The following RETREG1 variants were observed in gnomAD, a reference collection of about 807,000 sequenced individuals.
RETREG1 encodes the protein family with sequence similarity 134 member B.
Under a neutral mutation model 54.8 loss-of-function variants are expected in RETREG1, and 44 were observed. That is an observed-to-expected ratio of 0.80 (90% CI 0.63 to 1.03). The LOEUF is 1.03. Among genes scored for constraint, RETREG1 ranks in the 50% least tolerant of loss-of-function variants. The pLI is 0.00. For synonymous variants in RETREG1, 217 were observed against 238.5 expected (o/e 0.91, Z 0.83); for missense variants, 554 against 605.1 (o/e 0.92, Z 0.89).
chr5:16,598,024 C>CGTGCCCTA (rs1182876252), intron 1 of RETREG1, among the ~76,000 whole-genome samples: 9 of 152,046 alleles, frequency 5.9e-5, no homozygotes, highest in Admixed American at 3.3e-4. Flanking sequence ...GGCTCTTCAC[C>CGTGCCCTA]GTGCCCTACC....
At chr5:16,560,179 C>G (rs1176257306) in intron 3 of RETREG1, among the ~76,000 whole-genome samples, 1 of 152,222 alleles carries the variant, frequency 6.6e-6, no homozygotes, top group Non-Finnish European at 1.5e-5. Flanking sequence ...TTTATGAATA[C>G]TCTTTAAACA....
chr5:16,568,696 CAG>C (rs1742089548), intron 2 of RETREG1, among the ~76,000 whole-genome samples: 2 of 151,896 alleles, frequency 1.3e-5, no homozygotes, highest in Non-Finnish European at 2.9e-5. Flanking sequence ...GAAGGGGGAA[CAG>C]GGGAAAGGGG....
At chr5:16,557,727 C>A (rs868389714) in intron 3 of RETREG1, among the ~76,000 whole-genome samples, 2 of 152,282 alleles carry the variant, frequency 1.3e-5, no homozygotes, top group Middle Eastern at 3.4e-3. Context: ...AGTTCCCAGG[C>A]TCGCCTAGGC....
Position 16,475,152 on chromosome 5 carries a change from A to T in RETREG1, c.1083T>A (p.Asp361Glu). 1 of 1,613,912 alleles carries T rather than the reference A, an allele frequency of 6.2e-7. No individual in the cohort carries two copies. Among genetic ancestry groups the T allele is most frequent in the South Asian group, 1.1e-5 (1 of 91,074 alleles). Reference sequence around the variant, plus strand: ...GCAAACCAAGGCTTAATTCATCTTCATCATTTGTTCCCATGCCATTTTCTA... The same window carrying T: ...GCAAACCAAGGCTTAATTCATCTTCTTCATTTGTTCCCATGCCATTTTCTA... ...PSLENGMGTN[D>E]EDELSLGLPT... is the part of the protein sequence containing the mutation. Residue 361 changes from aspartate (D) to glutamate (E), a missense_variant, in exon 9 of 9, where the codon GAT (aspartate) becomes GAA (glutamate). By Grantham distance (45) the Asp-to-Glu change is conservative. Transcript: ENST00000306320.
In RETREG1 at chr5:16,531,936, C is replaced by T. The variant is rs16868751; in HGVS notation, c.458+33827G>A. Among the ~76,000 whole-genome samples, 927 of 152,268 alleles carry T rather than the reference C, an allele frequency of 6.1e-3. 7 individuals carry two copies. Among genetic ancestry groups the T allele is most frequent in the African/African-American group, 0.022 (894 of 41,548 alleles). ...ACCAGTATGAGTTGGGAGAGCATCC[C>T]TGAGCATGGCCTTACCCATACAGGG... On this transcript the variant is annotated intron_variant, in intron 3 of 8. Transcript: ENST00000306320.
chr5:16,561,325 G>A lies in RETREG1; in HGVS notation c.458+4438C>T, dbSNP rs138312703. Among the ~76,000 whole-genome samples the A allele has an allele frequency of 0.041, 6,178 of 151,880 alleles. 379 individuals are homozygous for A. The highest frequency in any genetic ancestry group is 0.14 in the African/African-American group (5,818 of 41,392). ...ATCCTGGCTAACATGGTGAAACCCC[G>A]TCTCTACTAAAAATACAAAAAATTA... On this transcript the variant is annotated intron_variant, in intron 3 of 8. Coordinates refer to ENST00000306320, the MANE Select transcript of RETREG1 (RefSeq NM_001034850.3). The surrounding 1 kb of genome is among the most constrained non-coding windows in gnomAD (Gnocchi z 4.2).
chr5:16,542,586 G>A lies in RETREG1; in HGVS notation c.458+23177C>T, dbSNP rs577389000. On this transcript the variant is annotated intron_variant, in intron 3 of 8. Coordinates refer to ENST00000306320, the MANE Select transcript of RETREG1 (RefSeq NM_001034850.3). ...CTAAGTAAACACAGCTCATAATCCAGGTCTACACTTGTCCATCTGTGTACT... is the reference window on the plus strand; with the variant it reads ...CTAAGTAAACACAGCTCATAATCCAAGTCTACACTTGTCCATCTGTGTACT... Among the ~76,000 whole-genome samples the A allele has an allele frequency of 4.2e-4, 64 of 152,182 alleles. 1 individual carries two copies. The South Asian group carries it at 0.013, about 30-fold the overall frequency.
intron 3 of RETREG1, among the ~76,000 whole-genome samples, chr5:16,505,775 A>G (rs776613187): frequency 5.9e-5 from 9 of 152,306 alleles, no homozygotes; most frequent in Non-Finnish European, 1.2e-4. Flanking sequence ...GCCTCTGGCC[A>G]GGGTACACGT....
rs913834273 is a variant in RETREG1 at position 16,477,548 on chromosome 5, T to C, written c.1000+114A>G. 3.0e-6 allele frequency: 3 copies of C among 1,000,472 alleles called. No homozygotes were observed. The African/African-American group carries it at 4.8e-5, about 16-fold the overall frequency. The allele number at this position is 1,000,472 out of a possible 1,614,324, so 62.0% of individuals were successfully genotyped here. ...ACTTCATTTTTATAGCCAAGTAATA[T>C]TCTACTGTGTAGATATGGTGGTAAC... On this transcript the variant is annotated intron_variant, in intron 8 of 8. Coordinates refer to ENST00000306320, the MANE Select transcript of RETREG1 (RefSeq NM_001034850.3).
chr5:16,483,458 T>A lies in RETREG1; in HGVS notation c.473A>T (p.Asn158Ile). 1 of 1,613,190 alleles carries A rather than the reference T, an allele frequency of 6.2e-7. No homozygotes were observed. Among genetic ancestry groups the A allele is most frequent in the South Asian group, 1.1e-5 (1 of 91,056 alleles). ...RSLSESWEVI[N>I]SKPDERPRLS... The stretch of plus-strand genomic sequence containing the variant: ...CCTGGGTCTTTCATCTGGTTTGGAA[T>A]TGATAACTTCCCAGCTAAAGAGACA... Residue 158 changes from asparagine to isoleucine, a missense_variant, in exon 4 of 9, where the codon AAT (asparagine) becomes ATT (isoleucine). By Grantham distance (149) the Asn-to-Ile change is moderately radical. Transcript: ENST00000306320.
chr5:16,474,696 A>AT lies in RETREG1; in HGVS notation c.*44dup. ...TTTTTTTTTTTTTTTCTTGTTTGAA[A>AT]TTTTTTTGGTGTTTTTTGTGCTCTG... On this transcript the variant is annotated 3_prime_UTR_variant, in exon 9 of 9. Coordinates refer to ENST00000306320, the MANE Select transcript of RETREG1 (RefSeq NM_001034850.3). 3.3e-6 allele frequency: 5 copies of AT among 1,521,850 alleles called. No homozygotes were observed. The highest frequency in any genetic ancestry group is 1.8e-4 in the Middle Eastern group (1 of 5,678). 94.3% of individuals were successfully genotyped at this position (1,521,850 alleles called of 1,614,324 possible). A position where few individuals can be genotyped will look rare whatever the true frequency, so the allele number is the denominator to read the frequency against.
rs201026378 is a variant in RETREG1, at chr5:16,483,468, C to G, written c.463G>C (p.Glu155Gln). ...QLWRSLSESWEVINSKPDERP... is the reference protein window; with the variant it reads ...QLWRSLSESWQVINSKPDERP... The stretch of plus-strand genomic sequence containing the variant: ...TCATCTGGTTTGGAATTGATAACTT[C>G]CCAGCTAAAGAGACAAAAAGAAAAA... Residue 155 changes from glutamate to glutamine, a missense_variant, in exon 4 of 9, where the codon GAA (glutamate) becomes CAA (glutamine). This residue lies in a region of RETREG1 where 347 missense variants were observed against 412.3 expected (regional missense o/e 0.84). Transcript: ENST00000306320. The G allele has an allele frequency of 1.9e-6, 3 of 1,613,016 alleles. No homozygotes were observed. Among genetic ancestry groups the G allele is most frequent in the Admixed American group, 3.3e-5 (2 of 59,926 alleles).
intron 3 of RETREG1, among the ~76,000 whole-genome samples, chr5:16,507,865 C>T (rs1740019812): frequency 6.6e-6 from 1 of 152,192 alleles, no homozygotes; most frequent in South Asian, 2.1e-4. Context: ...ATCCAAATTT[C>T]AATGGCCCCA....
chr5:16,558,059 A>C (rs1423770549), intron 3 of RETREG1, among the ~76,000 whole-genome samples: 1 of 152,122 alleles, frequency 6.6e-6, no homozygotes, highest in African/African-American at 2.4e-5. Context: ...AAAAAACAAA[A>C]ATTTTAAAAA....
intron 1 of RETREG1, among the ~76,000 whole-genome samples, chr5:16,590,358 G>A (rs530345982): frequency 6.6e-6 from 1 of 152,288 alleles, no homozygotes; most frequent in African/African-American, 2.4e-5. Context: ...CAGGTTTCCT[G>A]GAATTCACAG....
chr5:16,497,612 A>T (rs945019804), intron 3 of RETREG1, among the ~76,000 whole-genome samples: 1 of 152,230 alleles, frequency 6.6e-6, no homozygotes, highest in African/African-American at 2.4e-5. Context: ...AGGTCACATC[A>T]ACATCACTGA....
chr5:16,514,363 C>T (rs1401496712), intron 3 of RETREG1, among the ~76,000 whole-genome samples: 2 of 152,162 alleles, frequency 1.3e-5, no homozygotes, highest in African/African-American at 4.8e-5. Flanking sequence ...CCAAAGAAGG[C>T]CTGCTGGTTC....
intron 3 of RETREG1, among the ~76,000 whole-genome samples, chr5:16,511,538 G>A (rs1004318440): frequency 3.9e-5 from 6 of 152,114 alleles, no homozygotes; most frequent in South Asian, 2.1e-4. Context: ...TTGTTTTAGC[G>A]CCCTGTCATG....
intron 3 of RETREG1, among the ~76,000 whole-genome samples, chr5:16,553,146 A>G (rs1232129583): frequency 1.3e-5 from 2 of 152,162 alleles, no homozygotes; most frequent in African/African-American, 4.8e-5. Context: ...TTGTACTGCC[A>G]TATCGTAAAC....
Sources: allele counts gnomAD v4.1 joint callset (sites outside exome capture counted in the v4.1 genomes callset), GRCh38; gene constraint gnomAD v4.1.1; regional missense constraint gnomAD v4.1.1; non-coding constraint Gnocchi (gnomAD v3.1); transcripts MANE v1.5; gene names NCBI Gene and HGNC (gene_info 2026-07-23, HGNC 2026-07-21).